Variants in ITGA9 observed in about 807,000 individuals in gnomAD.
ITGA9 encodes the protein integrin alpha-9.
ITGA9 carries 56 observed loss-of-function variants against 127.8 expected under a neutral mutation model. The ratio of observed to expected loss-of-function variants is 0.44; its 90% CI spans 0.35 to 0.55. The LOEUF (loss-of-function observed/expected upper bound fraction) is 0.55, where lower values mean the gene tolerates loss of function less well. Among genes scored for constraint, ITGA9 ranks in the 20% least tolerant of loss-of-function variants. The probability of loss-of-function intolerance (pLI) is 0.00; values close to 1 mark genes in which losing one functional copy is unlikely to be tolerated. For missense variants in ITGA9, 1,196 were observed against 1,347.1 expected, an observed-to-expected ratio of 0.89 and a Z score of 1.76; for synonymous variants, 508 against 514.5, an observed-to-expected ratio of 0.99 and a Z score of 0.17.
intron 1 of ITGA9, among the ~76,000 whole-genome samples, chr3:37,464,024 A>C (rs750854379): frequency 1.3e-5 from 2 of 152,046 alleles, no homozygotes; most frequent in African/African-American, 2.4e-5. Context: ...TTTTGAGATA[A>C]TTATCTTTGG....
At chr3:37,703,584 T>G (rs1399299427) in intron 18 of ITGA9, among the ~76,000 whole-genome samples, 1 of 152,244 alleles carries the variant, frequency 6.6e-6, no homozygotes, top group Admixed American at 6.5e-5. Context: ...GTATCTATAG[T>G]CATAAACAAG....
chr3:37,512,276 G>A (rs1698940066), intron 8 of ITGA9, among the ~76,000 whole-genome samples: 1 of 149,098 alleles, frequency 6.7e-6, no homozygotes, highest in African/African-American at 2.5e-5. Flanking sequence ...CTAGAGTGCA[G>A]TGGCATGATC....
At chr3:37,688,533 C>G (rs1253143875) in intron 18 of ITGA9, among the ~76,000 whole-genome samples, 2 of 152,186 alleles carry the variant, frequency 1.3e-5, no homozygotes, top group Non-Finnish European at 2.9e-5. Flanking sequence ...GCTTCACTTT[C>G]TTCAGGAAGG....
intron 23 of ITGA9, among the ~76,000 whole-genome samples, chr3:37,756,844 A>G (rs1159870057): frequency 1.3e-5 from 2 of 152,242 alleles, no homozygotes; most frequent in African/African-American, 4.8e-5. Context: ...CTTGGAAGCT[A>G]AAAACAAAAG....
intron 18 of ITGA9, among the ~76,000 whole-genome samples, chr3:37,694,606 TACG>T (rs1431762120): frequency 6.6e-6 from 1 of 152,244 alleles, no homozygotes; most frequent in Middle Eastern, 3.2e-3. Flanking sequence ...GAGCTGTAGT[TACG>T]ACAAGGATCA....
intron 15 of ITGA9, among the ~76,000 whole-genome samples, chr3:37,551,763 A>G (rs917152441): frequency 6.6e-6 from 1 of 151,892 alleles, no homozygotes; most frequent in East Asian, 1.9e-4. Context: ...GCCTCGCCAG[A>G]CCTCCCCACC....
intron 13 of ITGA9, among the ~76,000 whole-genome samples, chr3:37,531,506 C>T (rs79149273): frequency 0.056 from 8,504 of 152,210 alleles, 280 homozygotes; most frequent in East Asian, 0.094. Context: ...CGTCTGTTTC[C>T]TGCCTGCCGC....
intron 23 of ITGA9, among the ~76,000 whole-genome samples, chr3:37,751,692 G>A (rs1696588027): frequency 6.6e-6 from 1 of 152,174 alleles, no homozygotes; most frequent in African/African-American, 2.4e-5. Flanking sequence ...GGCATTAGAA[G>A]TGGTTTCCTG....
intron 17 of ITGA9, among the ~76,000 whole-genome samples, chr3:37,661,814 G>T (rs1363404572): frequency 6.6e-6 from 1 of 152,234 alleles, no homozygotes; most frequent in Non-Finnish European, 1.5e-5. Context: ...CACAGTGAGT[G>T]CTAGGTGGGT....
chr3:37,492,453 A>G (rs1463224309), intron 4 of ITGA9, among the ~76,000 whole-genome samples: 4 of 152,238 alleles, frequency 2.6e-5, no homozygotes, highest in Non-Finnish European at 5.9e-5. Flanking sequence ...AGCCTGGGCC[A>G]GAAGTGGGGT....
intron 16 of ITGA9, among the ~76,000 whole-genome samples, chr3:37,647,056 G>C (rs1396589589): frequency 6.6e-6 from 1 of 152,054 alleles, no homozygotes; most frequent in East Asian, 1.9e-4. Context: ...TAGAACACAG[G>C]CACTGAGTTT....
At chr3:37,471,255 C>T in intron 2 of ITGA9, 121 bp downstream of exon 2, 2 of 1,119,584 alleles carry the variant, frequency 1.8e-6, no homozygotes, top group Non-Finnish European at 2.7e-6. Context: ...TCCCTCCCTC[C>T]TTCTCTCCAA....
At chr3:37,658,867 G>C (rs530782224) in intron 17 of ITGA9, among the ~76,000 whole-genome samples, 18 of 152,290 alleles carry the variant, frequency 1.2e-4, no homozygotes, top group Non-Finnish European at 2.2e-4. Flanking sequence ...GGGAGCTCTT[G>C]TAAGGCAGGC....
intron 4 of ITGA9, 117 bp downstream of exon 4, chr3:37,481,724 G>C (rs1326895424): frequency 7.3e-7 from 1 of 1,366,256 alleles, no homozygotes; most frequent in Middle Eastern, 2.3e-4. Context: ...GCTCATGATA[G>C]GGCAGCACTG....
At chr3:37,815,083 C>G (rs543260769) in intron 27 of ITGA9, among the ~76,000 whole-genome samples, 4 of 152,324 alleles carry the variant, frequency 2.6e-5, no homozygotes, top group African/African-American at 9.6e-5. Flanking sequence ...CACCACTCCA[C>G]TGAGAGAAAG....
chr3:37,576,254 G>A (rs931974901), intron 15 of ITGA9, among the ~76,000 whole-genome samples: 1 of 152,208 alleles, frequency 6.6e-6, no homozygotes, highest in African/African-American at 2.4e-5. Context: ...GAACTGAGAG[G>A]AGAAAAGGAT....
intron 15 of ITGA9, among the ~76,000 whole-genome samples, chr3:37,594,621 C>T (rs1465271091): frequency 6.6e-6 from 1 of 152,064 alleles, no homozygotes; most frequent in African/African-American, 2.4e-5. Context: ...TTAGGCAGGT[C>T]CCTGAACTGC....
intron 23 of ITGA9, 111 bp from the exon 24 acceptor site, chr3:37,777,281 G>A: frequency 8.0e-7 from 1 of 1,243,794 alleles, no homozygotes; most frequent in Non-Finnish European, 1.2e-6. Flanking sequence ...AAATGGACAA[G>A]GAGGAAAGGT....
chr3:37,716,426 C>G (rs1385294598), intron 18 of ITGA9, among the ~76,000 whole-genome samples: 1 of 151,752 alleles, frequency 6.6e-6, no homozygotes, highest in Non-Finnish European at 1.5e-5. Flanking sequence ...ATGAGCAAAA[C>G]TATCCTGTAG....
Sources: allele counts gnomAD v4.1 joint callset (sites outside exome capture counted in the v4.1 genomes callset), GRCh38; gene constraint gnomAD v4.1.1; transcripts MANE v1.5; gene names NCBI Gene and HGNC (gene_info 2026-07-23, HGNC 2026-07-21).